Variants in ZFHX3 observed in about 807,000 individuals in gnomAD.
ZFHX3 encodes the protein zinc finger homeobox protein 3.
A neutral mutation model predicts 279.1 loss-of-function variants in ZFHX3; 42 were observed. That is an observed-to-expected ratio of 0.15 (90% CI 0.12 to 0.19). The LOEUF (loss-of-function observed/expected upper bound fraction) is 0.19, where lower values mean the gene tolerates loss of function less well. ZFHX3 is among the 10% of genes least tolerant of loss of function. The pLI, the probability that ZFHX3 is intolerant of heterozygous loss-of-function variation, is 1.00. For missense variants in ZFHX3, 4,981 were observed against 4,754.0 expected (o/e 1.05, Z -1.40); for synonymous variants, 2,293 against 1,957.8 (o/e 1.17, Z -4.52).
At chr16:73,097,685 C>T (rs899198348) in intron 7 of ZFHX3, among the ~76,000 whole-genome samples, 5 of 152,112 alleles carry the variant, frequency 3.3e-5, no homozygotes, top group African/African-American at 7.2e-5. Context: ...TCACTCTAAA[C>T]GTAAACTTTT....
At chr16:73,233,476 T>C (rs1217452931) in intron 5 of ZFHX3, among the ~76,000 whole-genome samples, 1 of 152,168 alleles carries the variant, frequency 6.6e-6, no homozygotes, top group Non-Finnish European at 1.5e-5. Context: ...ATTCTCTGTT[T>C]GTCTGCAGAA....
intron 3 of ZFHX3, among the ~76,000 whole-genome samples, chr16:73,423,421 T>C (rs1054007352): frequency 6.6e-6 from 1 of 152,182 alleles, no homozygotes; most frequent in Middle Eastern, 3.2e-3. Context: ...TAGGGTCTTA[T>C]CCTCCACATT....
chr16:73,600,819 C>T (rs2052106224), intron 2 of ZFHX3, among the ~76,000 whole-genome samples: 3 of 152,078 alleles, frequency 2.0e-5, no homozygotes, highest in Admixed American at 2.0e-4. Flanking sequence ...CAATCCCTTC[C>T]AGAAGAGTAG....
intron 1 of ZFHX3, chr16:73,014,192 C>T (rs1166316908): frequency 6.6e-6 from 1 of 152,186 alleles, no homozygotes; most frequent in East Asian, 1.9e-4. Flanking sequence ...GGTTCCTCCT[C>T]GAAACCGCTA....
intron 5 of ZFHX3, among the ~76,000 whole-genome samples, chr16:73,212,936 A>AGT (rs762716700): frequency 2.6e-4 from 39 of 152,350 alleles, no homozygotes; most frequent in Non-Finnish European, 5.6e-4. Flanking sequence ...TTGTTTAAAA[A>AGT]GTGCATGCGT....
chr16:73,664,793 A>G (rs1405891254), intron 2 of ZFHX3, among the ~76,000 whole-genome samples: 5 of 152,370 alleles, frequency 3.3e-5, no homozygotes, highest in Middle Eastern at 3.4e-3. Flanking sequence ...GGAAATTTTA[A>G]CAGAGCATTC....
rs771447652 is a variant in ZFHX3, at chr16:72,797,911, G to A, written c.4771C>T (p.Pro1591Ser). ...TTACACTTAAAAGGTTTGTTGTCTG[G>A]GCTGCTGGTGGGTTCTGGCTGACCG... ...ATGQPEPTSSPDNKPFKCNTC... is the reference protein window; with the variant it reads ...ATGQPEPTSSSDNKPFKCNTC... Residue 1591 changes from proline to serine, a missense_variant, in exon 9 of 10, where the codon CCA becomes TCA. Physicochemically the swap from Pro to Ser is moderately conservative, Grantham distance 74. Coordinates refer to ENST00000268489, the MANE Select transcript of ZFHX3 (RefSeq NM_006885.4). The A allele has an allele frequency of 1.2e-6, 2 of 1,614,186 alleles. No homozygotes were observed. The highest frequency in any genetic ancestry group is 1.1e-5 in the South Asian group (1 of 91,070).
intron 4 of ZFHX3, among the ~76,000 whole-genome samples, chr16:72,848,922 G>GGC (rs2037544281): frequency 0.053 from 2 of 38 alleles, no homozygotes; most frequent in African/African-American, 0.1. Context: ...CAGGCAGGCA[G>GGC]AGCGCCGGGC....
chr16:73,444,404 C>G (rs982880592), intron 3 of ZFHX3, among the ~76,000 whole-genome samples: 1 of 152,212 alleles, frequency 6.6e-6, no homozygotes, highest in African/African-American at 2.4e-5. Context: ...TACCATTTCT[C>G]TCTACCTTAT....
intron 1 of ZFHX3, among the ~76,000 whole-genome samples, chr16:73,728,017 C>T (rs1206331315): frequency 1.1e-5 from 1 of 87,732 alleles, no homozygotes; most frequent in African/African-American, 5.5e-5. Flanking sequence ...CGAATTGTGC[C>T]CCCCCCCCGC....
In ZFHX3 at chr16:72,794,108, T is replaced by A; in HGVS notation, c.8574A>T (p.Ala2858=). Residue 2858 remains alanine (A), a synonymous_variant, in exon 9 of 10, where the codon GCA becomes GCT. Coordinates refer to ENST00000268489, the MANE Select transcript of ZFHX3 (RefSeq NM_006885.4). The surrounding 1 kb of genome is among the most constrained non-coding windows in gnomAD (Gnocchi z 4.2). ...GDEGNADNDS[A]TGIATETKSS... is the part of the protein sequence containing the mutation. Reference sequence around the variant, plus strand: ...ATTTGGTTTCAGTTGCTATTCCCGTTGCACTGTCGTTATCTGCGTTGCCCT... The same window carrying A: ...ATTTGGTTTCAGTTGCTATTCCCGTAGCACTGTCGTTATCTGCGTTGCCCT... The A allele has an allele frequency of 6.2e-7, 1 of 1,614,248 alleles. No homozygotes were observed.
At chr16:73,662,620 G>C (rs1384050121) in intron 2 of ZFHX3, among the ~76,000 whole-genome samples, 1 of 152,170 alleles carries the variant, frequency 6.6e-6, no homozygotes, top group Admixed American at 6.5e-5. Flanking sequence ...AGAGATGCCA[G>C]ATAAATTTGA....
chr16:72,926,032 C>T (rs1959432005), intron 3 of ZFHX3, among the ~76,000 whole-genome samples: 1 of 152,142 alleles, frequency 6.6e-6, no homozygotes, highest in Admixed American at 6.5e-5. Context: ...ACGTTACAAA[C>T]AAAATTCTGT....
At chr16:73,236,585 A>C (rs986149147) in intron 5 of ZFHX3, among the ~76,000 whole-genome samples, 14 of 152,124 alleles carry the variant, frequency 9.2e-5, no homozygotes, top group Non-Finnish European at 1.6e-4. Context: ...GCAACAGAGC[A>C]AGACTCCACC....
intron 7 of ZFHX3, among the ~76,000 whole-genome samples, chr16:73,103,479 G>T (rs895825579): frequency 1.3e-5 from 2 of 152,144 alleles, no homozygotes; most frequent in African/African-American, 2.4e-5. Context: ...AAGATGCTTG[G>T]CGAGAATTAA....
At chr16:72,980,914 A>AG (rs1962570661) in intron 1 of ZFHX3, among the ~76,000 whole-genome samples, 1 of 152,234 alleles carries the variant, frequency 6.6e-6, no homozygotes, top group Admixed American at 6.5e-5. Context: ...GAACTATGGA[A>AG]GGGTTCATTA....
In ZFHX3 at chr16:72,782,893, A is replaced by T. The variant is rs1168560703; in HGVS notation, c.*4271T>A. 6.6e-6 allele frequency: 1 copy of T among 152,454 alleles called. No homozygotes were observed. Among genetic ancestry groups the T allele is most frequent in the South Asian group, 2.1e-4 (1 of 4,824 alleles). The allele number at this position is 152,454 out of a possible 1,614,324, so 9.4% of individuals were successfully genotyped here. A position where few individuals can be genotyped will look rare whatever the true frequency, so the allele number is the denominator to read the frequency against. ...GTAACAGAGACAGGAGCTTTTGCTC[A>T]TATTTTTTTTTTAATGTATCACAAT... is the stretch of plus-strand genomic sequence containing the variant. On this transcript the variant is annotated 3_prime_UTR_variant, in exon 10 of 10. Transcript: ENST00000268489.
intron 1 of ZFHX3, among the ~76,000 whole-genome samples, chr16:73,741,689 T>C (rs1293083361): frequency 1.3e-5 from 2 of 152,216 alleles, no homozygotes; most frequent in Non-Finnish European, 2.9e-5. Context: ...ACTACCCACA[T>C]TTGTTTACTT....
chr16:73,415,737 G>A (rs1020924821), intron 3 of ZFHX3, among the ~76,000 whole-genome samples: 12 of 152,118 alleles, frequency 7.9e-5, no homozygotes, highest in African/African-American at 2.7e-4. Flanking sequence ...GTTTGGTGAC[G>A]CCAGTTGCAG....
Sources: allele counts gnomAD v4.1 joint callset (sites outside exome capture counted in the v4.1 genomes callset), GRCh38; gene constraint gnomAD v4.1.1; non-coding constraint Gnocchi (gnomAD v3.1); transcripts MANE v1.5; gene names NCBI Gene and HGNC (gene_info 2026-07-23, HGNC 2026-07-21).